The following INPP5D variants were observed in gnomAD, a reference collection of about 807,000 sequenced individuals.
INPP5D encodes inositol polyphosphate-5-phosphatase D.
Under a neutral mutation model 122.9 loss-of-function variants are expected in INPP5D, and 33 were observed. The observed-to-expected ratio is 0.27, with a 90% CI of 0.20 to 0.36. The LOEUF is 0.36. Ranked by LOEUF, INPP5D falls within the 10% of genes least tolerant of loss-of-function variation. The pLI, the probability that INPP5D is intolerant of heterozygous loss-of-function variation, is 1.00. For synonymous variants in INPP5D, 584 were observed against 576.2 expected (o/e 1.01, Z -0.19); for missense variants, 1,053 against 1,412.7 (o/e 0.75, Z 4.08).
At chr2:233,153,548 AAC>A (rs770364519) in intron 9 of INPP5D, among the ~76,000 whole-genome samples, 7 of 152,176 alleles carry the variant, frequency 4.6e-5, no homozygotes, top group Admixed American at 1.3e-4. Context: ...TGGAAGAAAA[AAC>A]AGAGACACTG....
At chr2:233,146,653 G>A (rs1028979667) in intron 8 of INPP5D, among the ~76,000 whole-genome samples, 2 of 152,234 alleles carry the variant, frequency 1.3e-5, no homozygotes, top group Non-Finnish European at 2.9e-5. Flanking sequence ...CCCCTTCGGA[G>A]GGAAGCTACA....
At chr2:233,093,602 C>T (rs1015873449) in intron 2 of INPP5D, among the ~76,000 whole-genome samples, 3 of 149,966 alleles carry the variant, frequency 2.0e-5, no homozygotes, top group African/African-American at 7.4e-5. Flanking sequence ...ATCGCTTGAA[C>T]TTGGGAGGCT....
At chr2:233,134,050 G>A in intron 5 of INPP5D, 1 of 456,100 alleles carries the variant, frequency 2.2e-6, no homozygotes, top group Non-Finnish European at 4.4e-6. Flanking sequence ...CCGCTTGATT[G>A]GATGTGGGGT....
intron 9 of INPP5D, 47 bp from the exon 10 acceptor site, chr2:233,158,266 G>T (rs991718746): frequency 7.3e-6 from 5 of 684,254 alleles, no homozygotes; most frequent in Non-Finnish European, 8.0e-6. Context: ...CGTCCATATT[G>T]GTTGAATGAG....
Position 233,188,171 on chromosome 2 carries a change from T to C in INPP5D, c.2359-1679T>C, listed in dbSNP as rs1694967094. Among the ~76,000 whole-genome samples, 1 of 152,030 alleles carries C rather than the reference T, an allele frequency of 6.6e-6. No individual in the cohort carries two copies. The highest frequency in any genetic ancestry group is 2.1e-4 in the South Asian group (1 of 4,826). ...ATCCGGTCGACTCCCTGTTGCCTAG[T>C]GAGGCAAGCAGCCTCATCTGCTGTT... On this transcript the variant is annotated intron_variant, in intron 21 of 26. Coordinates refer to ENST00000445964, the MANE Select transcript of INPP5D (RefSeq NM_001017915.3). The surrounding 1 kb of genome is among the most constrained non-coding windows in gnomAD (Gnocchi z 4.7).
intron 26 of INPP5D, 127 bp downstream of exon 26, chr2:233,204,844 G>GTGTGC: frequency 1.5e-6 from 2 of 1,355,726 alleles, no homozygotes; most frequent in Non-Finnish European, 1.9e-6. Context: ...GTGCATGTGT[G>GTGTGC]AACGCATGCA....
At chr2:233,141,383 A>G (rs938036798) in intron 6 of INPP5D, 1 of 152,190 alleles carries the variant, frequency 6.6e-6, no homozygotes, top group Non-Finnish European at 1.5e-5. Flanking sequence ...CCTGACCAAC[A>G]TGGTGAAACG....
At chr2:233,168,186 T>C (rs555009438) in intron 13 of INPP5D, among the ~76,000 whole-genome samples, 22 of 152,276 alleles carry the variant, frequency 1.4e-4, no homozygotes, top group African/African-American at 5.1e-4. Flanking sequence ...CAATAATAGA[T>C]TTTATTGAAT....
rs11681114 is a variant in INPP5D at position 233,180,825 on chromosome 2, C to T, written c.2072-1585C>T. 1.4e-5 allele frequency among the ~76,000 whole-genome samples: 2 copies of T among 138,178 alleles called. 1 individual carries two copies. Among genetic ancestry groups the T allele is most frequent in the African/African-American group, 5.3e-5 (2 of 37,808 alleles). 90.7% of individuals were successfully genotyped at this position (138,178 alleles called of 152,430 possible). ...AAGTGCTGGGATTACATGCGCCCAC[C>T]ACCATGCCCAGCTAATTTTTGTATT... is the stretch of plus-strand genomic sequence containing the variant. On this transcript the variant is annotated intron_variant, in intron 18 of 26. Transcript: ENST00000445964.
At chr2:233,126,846 G>A (rs1212645905) in intron 4 of INPP5D, among the ~76,000 whole-genome samples, 1 of 152,026 alleles carries the variant, frequency 6.6e-6, no homozygotes, top group Non-Finnish European at 1.5e-5. Flanking sequence ...CTTGAACCTG[G>A]GAAGCAGAGG....
intron 25 of INPP5D, among the ~76,000 whole-genome samples, chr2:233,201,253 C>A (rs1284135920): frequency 6.6e-6 from 1 of 152,076 alleles, no homozygotes; most frequent in African/African-American, 2.4e-5. Context: ...TTTGGAGACC[C>A]CAGGAAATGG....
intron 4 of INPP5D, among the ~76,000 whole-genome samples, chr2:233,126,462 A>G (rs894653105): frequency 6.6e-6 from 1 of 152,086 alleles, no homozygotes; most frequent in South Asian, 2.1e-4. Flanking sequence ...GCGTGTTCCT[A>G]TTTCCACCTG....
At chr2:233,066,520 C>A (rs1005872220) in intron 1 of INPP5D, among the ~76,000 whole-genome samples, 2 of 152,192 alleles carry the variant, frequency 1.3e-5, no homozygotes, top group Admixed American at 6.5e-5. Context: ...ATGAGGATGA[C>A]AAGGCCAAAG....
At chr2:233,172,188 G>A (rs1232559932) in intron 17 of INPP5D, among the ~76,000 whole-genome samples, 1 of 152,240 alleles carries the variant, frequency 6.6e-6, no homozygotes, top group African/African-American at 2.4e-5. Context: ...CAAAGGCACT[G>A]TCAGAGCAGG....
chr2:233,084,736 C>T (rs1039974545), intron 2 of INPP5D, among the ~76,000 whole-genome samples: 1 of 152,212 alleles, frequency 6.6e-6, no homozygotes, highest in African/African-American at 2.4e-5. Flanking sequence ...GGCTCTAACA[C>T]ACTTCCTGAA....
chr2:233,185,610 G>A (rs773230674), intron 20 of INPP5D, among the ~76,000 whole-genome samples: 2 of 148,282 alleles, frequency 1.3e-5, no homozygotes, highest in Non-Finnish European at 3.0e-5. Flanking sequence ...GAATCTCTTT[G>A]ATTTTCCTAA....
intron 19 of INPP5D, 89 bp downstream of exon 19, chr2:233,182,588 A>G: frequency 6.4e-7 from 1 of 1,565,312 alleles, no homozygotes; most frequent in Non-Finnish European, 8.7e-7. Flanking sequence ...AGTGGTCTGC[A>G]TTAGAGGAAG....
At chr2:233,154,649 C>A (rs764243266) in intron 9 of INPP5D, among the ~76,000 whole-genome samples, 44 of 152,310 alleles carry the variant, frequency 2.9e-4, no homozygotes, top group Non-Finnish European at 4.4e-4. Flanking sequence ...TGATTAACTT[C>A]TTTTAATTTA....
chr2:233,169,615 A>G, intron 14 of INPP5D: 1 of 719,946 alleles, frequency 1.4e-6, no homozygotes, highest in South Asian at 2.1e-5. Flanking sequence ...GTCAGAAAAG[A>G]TATTTCCTTG....
Sources: gnomAD v4.1 joint callset for allele counts (sites outside exome capture counted in the v4.1 genomes callset) on GRCh38, gnomAD v4.1.1 for gene constraint, Gnocchi (gnomAD v3.1) non-coding constraint, MANE v1.5 for transcripts, NCBI Gene and HGNC (gene_info 2026-07-23, HGNC 2026-07-21) for gene names.